The following ABI2 variants were observed in gnomAD, a reference collection of about 807,000 sequenced individuals.
ABI2 encodes abelson interactor 2.
A neutral mutation model predicts 59.2 loss-of-function variants in ABI2; 25 were observed. The observed-to-expected ratio is 0.42, with a 90% confidence interval of 0.31 to 0.59. The LOEUF is 0.59. Ranked by LOEUF, ABI2 falls within the 20% of genes least tolerant of loss-of-function variation. ABI2 has a pLI of 0.14. For synonymous variants in ABI2, 213 were observed against 235.5 expected (o/e 0.90, Z 0.87); for missense variants, 545 against 681.8 (o/e 0.80, Z 2.23).
At chr2:203,366,124 C>CT (rs1436738934) in intron 1 of ABI2, among the ~76,000 whole-genome samples, 1 of 151,928 alleles carries the variant, frequency 6.6e-6, no homozygotes, top group Non-Finnish European at 1.5e-5. Context: ...AAGAATGAGT[C>CT]TAACTGCATG....
chr2:203,359,486 A>G (rs182266443), intron 1 of ABI2, among the ~76,000 whole-genome samples: 24 of 152,322 alleles, frequency 1.6e-4, no homozygotes, highest in African/African-American at 5.3e-4. Context: ...TAGTTAGACA[A>G]TATACAGGTT....
chr2:203,340,813 T>G (rs2079416468), intron 1 of ABI2, among the ~76,000 whole-genome samples: 1 of 151,840 alleles, frequency 6.6e-6, no homozygotes, highest in African/African-American at 2.4e-5. Context: ...CAGTTATACC[T>G]CAGCAAAGCT....
At chr2:203,396,007 G>A (rs1480588449) in intron 7 of ABI2, among the ~76,000 whole-genome samples, 1 of 152,080 alleles carries the variant, frequency 6.6e-6, no homozygotes, top group Non-Finnish European at 1.5e-5. Flanking sequence ...GCTGCTTTGA[G>A]GTTTCAGATC....
chr2:203,338,934 G>GTA (rs1292898900), intron 1 of ABI2, among the ~76,000 whole-genome samples: 9 of 5,184 alleles, frequency 1.7e-3, no homozygotes, highest in South Asian at 7.8e-3. Context: ...GTGTGTATAT[G>GTA]TATATATATA....
intron 8 of ABI2, 122 bp downstream of exon 8, chr2:203,397,089 A>G: frequency 8.0e-7 from 1 of 1,242,740 alleles, no homozygotes; most frequent in Non-Finnish European, 1.0e-6. Context: ...AATAAGAATA[A>G]TGTACTAACC....
Position 203,394,701 on chromosome 2 carries a change from C to T in ABI2, c.580C>T (p.Arg194Trp), listed in dbSNP as rs370162988. 2 of 1,612,608 alleles carry T rather than the reference C, an allele frequency of 1.2e-6. No individual in the cohort carries two copies. Among genetic ancestry groups the T allele is most frequent in the Non-Finnish European group, 1.7e-6 (2 of 1,179,508 alleles). Reference protein sequence around the residue: ...PPMSGKGTLGRHSPYRTLEPV... With the variant: ...PPMSGKGTLGWHSPYRTLEPV... The stretch of plus-strand genomic sequence containing the variant: ...ATACATACGCTCTTCTTTTTGTAGG[C>T]GGCACTCCCCCTATCGCACACTGGA... The change falls in exon 6 of 12, where the codon CGG becomes TGG. Residue 194 changes from arginine to tryptophan, a missense_variant and splice_region_variant. Transcript: ENST00000261018.
chr2:203,386,456 T>C (rs1031088786), intron 4 of ABI2: 1 of 139,356 alleles, frequency 7.2e-6, no homozygotes, highest in Non-Finnish European at 1.5e-5. Flanking sequence ...TTTTTTTTTT[T>C]GGAGAGACGT....
At chr2:203,423,010 A>G (rs963972492) in intron 11 of ABI2, among the ~76,000 whole-genome samples, 1 of 152,226 alleles carries the variant, frequency 6.6e-6, no homozygotes, top group African/African-American at 2.4e-5. Context: ...ATTGAAATGG[A>G]TAATCTTACT....
At chr2:203,379,763 TC>T (rs1241882380) in intron 2 of ABI2, among the ~76,000 whole-genome samples, 1 of 152,176 alleles carries the variant, frequency 6.6e-6, no homozygotes, top group Non-Finnish European at 1.5e-5. Context: ...AATATATACT[TC>T]AGTTTTTGTG....
intron 11 of ABI2, among the ~76,000 whole-genome samples, chr2:203,422,686 T>C (rs1467836781): frequency 1.3e-5 from 2 of 152,092 alleles, no homozygotes; most frequent in Admixed American, 6.5e-5. Context: ...GGCTCAAAAG[T>C]AGAAGGCCAG....
intron 4 of ABI2, among the ~76,000 whole-genome samples, chr2:203,385,363 T>C (rs1382792985): frequency 1.1e-4 from 15 of 136,988 alleles, no homozygotes; most frequent in East Asian, 6.9e-4. Context: ...GATCTCCTGA[T>C]CTCGTGATCT....
intron 5 of ABI2, among the ~76,000 whole-genome samples, chr2:203,392,697 G>T (rs1185577685): frequency 6.6e-6 from 1 of 152,126 alleles, no homozygotes; most frequent in Admixed American, 6.5e-5. Flanking sequence ...CATGTGTAGT[G>T]CCTTATGGAT....
chr2:203,430,195 A>G lies in ABI2; in HGVS notation c.*2843A>G, dbSNP rs1387225732. 1 of 152,120 alleles carries G rather than the reference A, an allele frequency of 6.6e-6. No homozygotes were observed. The highest frequency in any genetic ancestry group is 2.4e-5 in the African/African-American group (1 of 41,414). The allele number at this position is 152,120 out of a possible 1,614,324, so 9.4% of individuals were successfully genotyped here. A position where few individuals can be genotyped will look rare whatever the true frequency, so the allele number is the denominator to read the frequency against. ...GGGTAGTATTTTTTGTTTTATTGTA[A>G]GTTTCCCTCTTTTTTTATAAATTAA... On this transcript the variant is annotated 3_prime_UTR_variant, in exon 12 of 12. Coordinates refer to ENST00000261018, the MANE Select transcript of ABI2 (RefSeq NM_001375670.1).
At chr2:203,345,144 CT>C in intron 1 of ABI2, among the ~76,000 whole-genome samples, 1 of 152,314 alleles carries the variant, frequency 6.6e-6, no homozygotes, top group Non-Finnish European at 1.5e-5. Context: ...TCCGCACTAC[CT>C]TTATGAGTTG....
chr2:203,394,781 T>C lies in ABI2; in HGVS notation c.660T>C (p.Asn220=). 6.2e-7 allele frequency: 1 copy of C among 1,614,166 alleles called. No individual in the cohort carries two copies. The highest frequency in any genetic ancestry group is 8.5e-7 in the Non-Finnish European group (1 of 1,180,030). Residue 220 remains asparagine, a synonymous_variant, in exon 6 of 12, where the codon AAT becomes AAC. Transcript: ENST00000261018. ...PNDYVPSPTR[N]MAPSQQSPVR... ...ATTACGTACCTAGCCCAACCCGTAA[T>C]ATGGCTCCCTCGCAGCAGAGCCCTG...
At chr2:203,363,642 T>C (rs2093880004) in intron 1 of ABI2, among the ~76,000 whole-genome samples, 1 of 152,250 alleles carries the variant, frequency 6.6e-6, no homozygotes, top group African/African-American at 2.4e-5. Flanking sequence ...GATCTTTCTG[T>C]GCCTGGCTTG....
intron 1 of ABI2, among the ~76,000 whole-genome samples, chr2:203,354,991 A>T (rs900815180): frequency 6.6e-6 from 1 of 152,176 alleles, no homozygotes; most frequent in African/African-American, 2.4e-5. Flanking sequence ...AGAAGACATA[A>T]GTGTGTCCCC....
chr2:203,397,365 A>G (rs2097046251), intron 8 of ABI2, among the ~76,000 whole-genome samples: 1 of 152,230 alleles, frequency 6.6e-6, no homozygotes, highest in African/African-American at 2.4e-5. Context: ...TGATACAACA[A>G]ATGGAAAGCC....
intron 10 of ABI2, among the ~76,000 whole-genome samples, chr2:203,414,082 A>G (rs1580395326): frequency 6.9e-6 from 1 of 145,056 alleles, no homozygotes; most frequent in Admixed American, 6.9e-5. Context: ...TTGCTTTCTT[A>G]CCTTTGTACT....
Sources: allele counts gnomAD v4.1 joint callset (sites outside exome capture counted in the v4.1 genomes callset), GRCh38; gene constraint gnomAD v4.1.1; transcripts MANE v1.5; gene names NCBI Gene and HGNC (gene_info 2026-07-23, HGNC 2026-07-21).